Variants in KAT7 observed in about 807,000 individuals in gnomAD.
KAT7 encodes lysine acetyltransferase 7.
Under a neutral mutation model 82.1 loss-of-function variants are expected in KAT7, and 10 were observed. That is an observed-to-expected ratio of 0.12 (90% CI 0.08 to 0.21). KAT7 has a LOEUF of 0.21. Among genes scored for constraint, KAT7 ranks in the 10% least tolerant of loss-of-function variants. KAT7 has a pLI of 1.00. For synonymous variants in KAT7, 250 were observed against 262.5 expected, an observed-to-expected ratio of 0.95 and a Z score of 0.46; for missense variants, 378 against 760.9, an observed-to-expected ratio of 0.50 and a Z score of 5.92.
chr17:49,800,165 C>G (rs575813640), intron 4 of KAT7, among the ~76,000 whole-genome samples: 41 of 152,024 alleles, frequency 2.7e-4, no homozygotes, highest in African/African-American at 9.4e-4. Flanking sequence ...GCGCCTGCCA[C>G]CATGCCCGGC....
intron 11 of KAT7, among the ~76,000 whole-genome samples, chr17:49,822,904 G>T (rs191394833): frequency 1.2e-4 from 18 of 152,108 alleles, no homozygotes; most frequent in Admixed American, 1.1e-3. Flanking sequence ...GTTTAAAGTG[G>T]GCTTCTATAT....
intron 11 of KAT7, 144 bp downstream of exon 11, chr17:49,821,934 G>A (rs566905266): frequency 2.1e-5 from 14 of 678,226 alleles, no homozygotes; most frequent in South Asian, 3.5e-5. Context: ...AAAAAAAAAG[G>A]CAAACCCATG....
chr17:49,801,729 AC>A (rs2074027172), intron 4 of KAT7, among the ~76,000 whole-genome samples: 1 of 151,834 alleles, frequency 6.6e-6, no homozygotes, highest in Admixed American at 6.6e-5. Flanking sequence ...GGCTCAAGTG[AC>A]CCTCCCACCT....
At chr17:49,791,799 G>A in intron 1 of KAT7, 87 bp from the exon 2 acceptor site, 3 of 1,347,996 alleles carry the variant, frequency 2.2e-6, no homozygotes, top group South Asian at 2.5e-5. Flanking sequence ...GGGGTTTTCA[G>A]TGTCACAGCT....
At chr17:49,819,119 A>G (rs924079964) in intron 9 of KAT7, among the ~76,000 whole-genome samples, 2 of 151,940 alleles carry the variant, frequency 1.3e-5, no homozygotes, top group Admixed American at 6.6e-5. Context: ...TTTATTTCCC[A>G]GGATTTCCAT....
intron 14 of KAT7, chr17:49,827,092 A>C (rs968445370): frequency 1.1e-5 from 5 of 446,256 alleles, no homozygotes; most frequent in Non-Finnish European, 2.0e-5. Context: ...GGTGGGAGGA[A>C]ATTGCCCATC....
intron 5 of KAT7, among the ~76,000 whole-genome samples, chr17:49,808,449 CTTTCT>C (rs1045558494): frequency 1.4e-5 from 2 of 147,306 alleles, no homozygotes; most frequent in African/African-American, 2.5e-5. Flanking sequence ...TTCTTTCTTT[CTTTCT>C]TTTTTTTTTT....
chr17:49,791,449 G>A (rs1408588780), intron 1 of KAT7, among the ~76,000 whole-genome samples: 1 of 152,164 alleles, frequency 6.6e-6, no homozygotes, highest in East Asian at 1.9e-4. Flanking sequence ...CCTGAGGTCA[G>A]GTGTTCAAGA....
In KAT7 at chr17:49,812,234, CT is replaced by C. The variant is rs35069050; in HGVS notation, c.852+680del. Among the ~76,000 whole-genome samples, 289 of 119,108 alleles carry C rather than the reference CT, an allele frequency of 2.4e-3. 1 individual carries two copies. In the East Asian group the frequency reaches 0.03, roughly 12 times the overall value. The allele number at this position is 119,108 out of a possible 152,430, so 78.1% of individuals were successfully genotyped here. A position where few individuals can be genotyped will look rare whatever the true frequency, so the allele number is the denominator to read the frequency against. On this transcript the variant is annotated intron_variant, in intron 7 of 14. Coordinates refer to ENST00000259021, the MANE Select transcript of KAT7 (RefSeq NM_007067.5). ...GAATTCTGTGTTTTCGCTTAAAAAT[CT>C]TTTTTTTTTTTTTTTTTTTGAGACA...
intron 4 of KAT7, 74 bp from the exon 5 acceptor site, chr17:49,805,289 G>A (rs2074077470): frequency 9.8e-7 from 1 of 1,021,698 alleles, no homozygotes; most frequent in Admixed American, 1.8e-5. Context: ...AAAAAAACAG[G>A]TTTGTCTTAG....
Position 49,796,926 on chromosome 17 carries a change from G to A in KAT7, c.340G>A (p.Glu114Lys). ...TEQVVDFSDR[E>K]TKNTADHDES... ...GCAAGTGGTTGATTTTTCAGATAGA[G>A]GTGAGTGGGTATGGTATGACTTAGA... Residue 114 changes from glutamate to lysine, a missense_variant and splice_region_variant, in exon 3 of 15, where the codon GAA becomes AAA. Glu to Lys is a moderately conservative substitution (Grantham distance 56). Transcript: ENST00000259021. 1.2e-6 allele frequency: 2 copies of A among 1,613,954 alleles called. No homozygotes were observed. The highest frequency in any genetic ancestry group is 1.1e-5 in the South Asian group (1 of 91,062).
intron 5 of KAT7, among the ~76,000 whole-genome samples, chr17:49,808,290 T>C (rs972726856): frequency 3.3e-5 from 5 of 151,648 alleles, no homozygotes; most frequent in Non-Finnish European, 7.4e-5. Flanking sequence ...TGGCTAGTTT[T>C]TGTATTTTTA....
chr17:49,814,004 G>C lies in KAT7; in HGVS notation c.853-1799G>C, dbSNP rs1245538877. Among the ~76,000 whole-genome samples, 3 of 151,856 alleles carry C rather than the reference G, an allele frequency of 2.0e-5. No individual in the cohort carries two copies. The East Asian group carries it at 5.8e-4, about 29-fold the overall frequency. ...GGTTCTGGGTTCAAGCAATTCTCCT[G>C]CCTCAGCCTCCTGAGTAGCTGGAAT... On this transcript the variant is annotated intron_variant, in intron 7 of 14. Coordinates refer to ENST00000259021, the MANE Select transcript of KAT7 (RefSeq NM_007067.5).
intron 3 of KAT7, 48 bp downstream of exon 3, chr17:49,796,974 A>G (rs745690093): frequency 2.3e-5 from 35 of 1,553,078 alleles, no homozygotes; most frequent in Non-Finnish European, 3.0e-5. Flanking sequence ...CATCTGGGTG[A>G]AATTCTTTTT....
intron 12 of KAT7, 139 bp from the exon 13 acceptor site, chr17:49,825,861 C>T: frequency 1.3e-6 from 1 of 797,788 alleles, no homozygotes; most frequent in Non-Finnish European, 2.0e-6. Flanking sequence ...TAGTTAACCA[C>T]ACAGTATTCC....
intron 2 of KAT7, among the ~76,000 whole-genome samples, chr17:49,792,753 A>G (rs1164233573): frequency 2.0e-5 from 3 of 152,194 alleles, no homozygotes; most frequent in African/African-American, 7.2e-5. Flanking sequence ...AAGTGGTTTG[A>G]GCCTATTTAA....
At chr17:49,796,953 C>T (rs777510718) in intron 3 of KAT7, 27 bp downstream of exon 3, 62 of 1,599,890 alleles carry the variant, frequency 3.9e-5, no homozygotes, top group Non-Finnish European at 5.1e-5. Context: ...TGACTTAGAC[C>T]TATTACAGAG....
chr17:49,791,122 C>G (rs548313850), intron 1 of KAT7, among the ~76,000 whole-genome samples: 1 of 152,308 alleles, frequency 6.6e-6, no homozygotes, highest in East Asian at 1.9e-4. Flanking sequence ...GGCATACGCA[C>G]TAACAATTTT....
In KAT7 at chr17:49,831,422, C is replaced by T. The variant is rs1184433693; in HGVS notation, c.*3920C>T. 6.6e-6 allele frequency: 1 copy of T among 152,154 alleles called. No homozygotes were observed. The highest frequency in any genetic ancestry group is 1.9e-4 in the East Asian group (1 of 5,196). The allele number at this position is 152,154 out of a possible 1,614,324, so 9.4% of individuals were successfully genotyped here. A position where few individuals can be genotyped will look rare whatever the true frequency, so the allele number is the denominator to read the frequency against. On this transcript the variant is annotated 3_prime_UTR_variant, in exon 15 of 15. Transcript: ENST00000259021. The stretch of plus-strand genomic sequence containing the variant: ...AATAAACTGTTCAGTAAGCACTGTC[C>T]CTTTACTTCCATGGTTTTCTTCATT...
Sources: gnomAD v4.1 joint callset for allele counts (sites outside exome capture counted in the v4.1 genomes callset) on GRCh38, gnomAD v4.1.1 for gene constraint, MANE v1.5 for transcripts, NCBI Gene and HGNC (gene_info 2026-07-23, HGNC 2026-07-21) for gene names.